Variants in PTPRN2 observed in about 807,000 individuals in gnomAD.
PTPRN2 encodes protein tyrosine phosphatase receptor type N2, also known as receptor-type tyrosine-protein phosphatase N2.
Under a neutral mutation model 118.8 loss-of-function variants are expected in PTPRN2, and 74 were observed. The observed-to-expected ratio is 0.62, with a 90% CI of 0.52 to 0.76. The LOEUF (loss-of-function observed/expected upper bound fraction) is 0.76. PTPRN2 is among the 30% of genes least tolerant of loss of function. PTPRN2 has a pLI of 0.00. For missense variants in PTPRN2, 1,481 were observed against 1,394.4 expected, an observed-to-expected ratio of 1.06 and a Z score of -0.99; for synonymous variants, 641 against 608.0, an observed-to-expected ratio of 1.05 and a Z score of -0.80.
In PTPRN2 at chr7:158,356,580, C is replaced by T. The variant is rs140872404; in HGVS notation, c.164-39648G>A. ...TCTGTGGAGCACAGGGCTTCCCACC[C>T]GGCAGATAAGAACCCCATGCACACC... On this transcript the variant is annotated intron_variant, in intron 2 of 22. Coordinates refer to ENST00000389418, the MANE Select transcript of PTPRN2 (RefSeq NM_002847.5). Among the ~76,000 whole-genome samples, 553 of 152,192 alleles carry T rather than the reference C, an allele frequency of 3.6e-3. 4 individuals are homozygous for T. The highest frequency in any genetic ancestry group is 0.013 in the African/African-American group (525 of 41,514).
intron 19 of PTPRN2, among the ~76,000 whole-genome samples, chr7:157,575,862 A>G (rs1800008867): frequency 6.6e-6 from 1 of 152,214 alleles, no homozygotes; most frequent in East Asian, 1.9e-4. Flanking sequence ...TATTCTATAC[A>G]ATTTAGAGCT....
At chr7:158,089,592 C>T (rs1813838454) in intron 10 of PTPRN2, among the ~76,000 whole-genome samples, 1 of 119,930 alleles carries the variant, frequency 8.3e-6, no homozygotes, top group South Asian at 2.8e-4. Context: ...GGAGTCTTCA[C>T]ACAAACCTTC....
At chr7:157,735,703 C>T (rs963060104) in intron 12 of PTPRN2, among the ~76,000 whole-genome samples, 4 of 152,196 alleles carry the variant, frequency 2.6e-5, no homozygotes, top group East Asian at 1.9e-4. Context: ...CTAAACTCCT[C>T]GGGGCAGGCG....
At chr7:157,873,907 G>A (rs1358923669) in intron 12 of PTPRN2, among the ~76,000 whole-genome samples, 2 of 152,096 alleles carry the variant, frequency 1.3e-5, no homozygotes, top group East Asian at 1.9e-4. Flanking sequence ...TTCAGGGCAC[G>A]GCAGGAGGGC....
At chr7:158,485,804 C>T (rs1820977629) in intron 2 of PTPRN2, among the ~76,000 whole-genome samples, 1 of 152,088 alleles carries the variant, frequency 6.6e-6, no homozygotes, top group Non-Finnish European at 1.5e-5. Context: ...CAGAGAGAGC[C>T]ACTATTCACA....
chr7:158,198,350 C>T lies in PTPRN2; in HGVS notation c.381-5855G>A, dbSNP rs191449518. Among the ~76,000 whole-genome samples, 61 of 152,282 alleles carry T rather than the reference C, an allele frequency of 4.0e-4. No homozygotes were observed. In the East Asian group the frequency reaches 6.0e-3, roughly 15 times the overall value. On this transcript the variant is annotated intron_variant, in intron 4 of 22. Coordinates refer to ENST00000389418, the MANE Select transcript of PTPRN2 (RefSeq NM_002847.5). ...GCTTGAAGTAGGTCAAAACTTCATACGTATGAATTTTGTACTTTAAAAAGA... is the reference window on the plus strand; with the variant it reads ...GCTTGAAGTAGGTCAAAACTTCATATGTATGAATTTTGTACTTTAAAAAGA...
chr7:158,538,232 G>A (rs753530653), intron 1 of PTPRN2, among the ~76,000 whole-genome samples: 3 of 152,216 alleles, frequency 2.0e-5, no homozygotes, highest in Non-Finnish European at 4.4e-5. Context: ...TTTCATACTC[G>A]ACGTAGCCCA....
chr7:158,201,059 T>TG (rs1168984393), intron 4 of PTPRN2, among the ~76,000 whole-genome samples: 6 of 150,268 alleles, frequency 4.0e-5, no homozygotes, highest in South Asian at 2.1e-4. Flanking sequence ...AAAAAGTGGT[T>TG]TTTTTTTTTT....
In PTPRN2 at chr7:157,937,178, C is replaced by T. The variant is rs551359816; in HGVS notation, c.1724-38441G>A. ...CTGCATCTGGGCACCTGGAACTTGCCGTGAGCATGGCTGTGGTGGGTCCTT... is the reference window on the plus strand; with the variant it reads ...CTGCATCTGGGCACCTGGAACTTGCTGTGAGCATGGCTGTGGTGGGTCCTT... On this transcript the variant is annotated intron_variant, in intron 11 of 22. Coordinates refer to ENST00000389418, the MANE Select transcript of PTPRN2 (RefSeq NM_002847.5). Among the ~76,000 whole-genome samples, 381 of 152,262 alleles carry T rather than the reference C, an allele frequency of 2.5e-3. 2 individuals are homozygous for T. The highest frequency in any genetic ancestry group is 4.4e-3 in the Non-Finnish European group (299 of 68,032).
chr7:158,171,030 T>C (rs1195498577), intron 5 of PTPRN2, among the ~76,000 whole-genome samples: 15 of 144,598 alleles, frequency 1.0e-4, no homozygotes, highest in South Asian at 2.2e-4. Flanking sequence ...TATATACACA[T>C]ATATATACAC....
intron 12 of PTPRN2, among the ~76,000 whole-genome samples, chr7:157,747,904 C>A (rs140630409): frequency 0.011 from 1,491 of 138,006 alleles, 43 homozygotes; most frequent in African/African-American, 0.036. Context: ...CTGAGGCCTG[C>A]GTCCCTGAGG....
intron 2 of PTPRN2, among the ~76,000 whole-genome samples, chr7:158,416,689 A>G (rs915188579): frequency 2.0e-5 from 3 of 152,246 alleles, no homozygotes; most frequent in Admixed American, 6.5e-5. Context: ...AGGGGGCAGG[A>G]AACAGACAGC....
intron 3 of PTPRN2, among the ~76,000 whole-genome samples, chr7:158,276,955 C>T (rs7802747): frequency 0.013 from 2,014 of 152,248 alleles, 50 homozygotes; most frequent in African/African-American, 0.046. Context: ...TCTCAGGCAG[C>T]CCACAGCGGG....
intron 10 of PTPRN2, among the ~76,000 whole-genome samples, chr7:158,096,390 C>A (rs1293554189): frequency 6.6e-6 from 1 of 152,186 alleles, no homozygotes; most frequent in Non-Finnish European, 1.5e-5. Flanking sequence ...CCTAAATGGT[C>A]ATATCATTTC....
At position 157,609,214 on chromosome 7, in the gene PTPRN2, C is replaced by T. The variant is rs1802183488; in HGVS notation, c.2345-5139G>A. Among the ~76,000 whole-genome samples, 3 of 152,136 alleles carry T rather than the reference C, an allele frequency of 2.0e-5. No homozygotes were observed. Reference sequence around the variant, plus strand: ...TCTGGCCAAAGTGGCAAAACCACGTCTCTACTAAAAATACAAAAATTAGCC... The same window carrying T: ...TCTGGCCAAAGTGGCAAAACCACGTTTCTACTAAAAATACAAAAATTAGCC... On this transcript the variant is annotated intron_variant, in intron 15 of 22. Coordinates refer to ENST00000389418, the MANE Select transcript of PTPRN2 (RefSeq NM_002847.5). The surrounding 1 kb of genome is among the most constrained non-coding windows in gnomAD (Gnocchi z 4.9).
chr7:157,573,781 T>C (rs1799876739), intron 19 of PTPRN2, among the ~76,000 whole-genome samples: 1 of 152,200 alleles, frequency 6.6e-6, no homozygotes, highest in Non-Finnish European at 1.5e-5. Flanking sequence ...TATCTCACAG[T>C]ATACGGAAGA....
intron 2 of PTPRN2, among the ~76,000 whole-genome samples, chr7:158,395,331 G>C (rs1324187445): frequency 3.1e-4 from 35 of 112,428 alleles, no homozygotes; most frequent in Middle Eastern, 4.7e-3. Flanking sequence ...AGGGGCGAGG[G>C]GCGAGGCGCG....
At chr7:158,149,881 G>T (rs770914545) in intron 6 of PTPRN2, among the ~76,000 whole-genome samples, 2 of 150,956 alleles carry the variant, frequency 1.3e-5, no homozygotes, top group African/African-American at 4.9e-5. Flanking sequence ...TGGGATCTAA[G>T]TTATGCTGAA....
chr7:157,821,959 C>T (rs543335110), intron 12 of PTPRN2, among the ~76,000 whole-genome samples: 1 of 152,102 alleles, frequency 6.6e-6, no homozygotes, highest in Admixed American at 6.6e-5. Flanking sequence ...CCCACTCATC[C>T]ACCCATCCAT....
Sources: gnomAD v4.1 joint callset for allele counts (sites outside exome capture counted in the v4.1 genomes callset) on GRCh38, gnomAD v4.1.1 for gene constraint, Gnocchi (gnomAD v3.1) non-coding constraint, MANE v1.5 for transcripts, NCBI Gene and HGNC (gene_info 2026-07-23, HGNC 2026-07-21) for gene names.